SLIT2: variants seen among roughly 807,000 people sequenced by gnomAD.
SLIT2 encodes slit homolog 2 protein.
In SLIT2, 41 loss-of-function variants were observed where a neutral mutation model predicts 185.7. The ratio of observed to expected loss-of-function variants is 0.22; its 90% CI spans 0.17 to 0.29. SLIT2 has a LOEUF of 0.29. SLIT2 is among the 10% of genes least tolerant of loss of function. SLIT2 has a pLI of 1.00. For synonymous variants in SLIT2, 693 were observed against 680.2 expected (o/e 1.02, Z -0.29); for missense variants, 1,571 against 1,909.0 (o/e 0.82, Z 3.30).
At position 20,324,123 on chromosome 4, in the gene SLIT2, G is replaced by T. The variant is rs77375727; in HGVS notation, c.395+55242G>T. Among the ~76,000 whole-genome samples the T allele has an allele frequency of 3.3e-3, 501 of 152,248 alleles. 4 individuals are homozygous for T. Among genetic ancestry groups the T allele is most frequent in the African/African-American group, 0.012 (494 of 41,554 alleles). Reference sequence around the variant, plus strand: ...GAAACAGAGCTTGCTGAAGGGTAAGGCTAGCCAGTCATCACAGCACGAGCA... The same window carrying T: ...GAAACAGAGCTTGCTGAAGGGTAAGTCTAGCCAGTCATCACAGCACGAGCA... On this transcript the variant is annotated intron_variant, in intron 4 of 36. Transcript: ENST00000504154.
At chr4:20,548,651 C>G in intron 23 of SLIT2, 92 bp downstream of exon 23, 1 of 762,816 alleles carries the variant, frequency 1.3e-6, no homozygotes, top group Non-Finnish European at 2.3e-6. Context: ...ACAAGACAGT[C>G]TCTACCCTCA....
chr4:20,515,469 A>G (rs564256386), intron 11 of SLIT2, among the ~76,000 whole-genome samples: 2 of 152,170 alleles, frequency 1.3e-5, no homozygotes, highest in African/African-American at 2.4e-5. Context: ...CAAATTCCAC[A>G]GGGGTCTACA....
At chr4:20,392,959 A>G (rs898702512) in intron 4 of SLIT2, among the ~76,000 whole-genome samples, 3 of 152,240 alleles carry the variant, frequency 2.0e-5, no homozygotes, top group Admixed American at 6.6e-5. Flanking sequence ...TAAATAGTAT[A>G]GTATAGTAAA....
chr4:20,331,303 A>G (rs1353059996), intron 4 of SLIT2, among the ~76,000 whole-genome samples: 2 of 152,142 alleles, frequency 1.3e-5, no homozygotes, highest in Non-Finnish European at 2.9e-5. Context: ...CACATTTCCA[A>G]TACATTTTCC....
In SLIT2 at chr4:20,548,506, A is replaced by G. The variant is rs1206442362; in HGVS notation, c.2364A>G (p.Arg788=). 6.2e-7 allele frequency: 1 copy of G among 1,601,164 alleles called. No individual in the cohort carries two copies. Among genetic ancestry groups the G allele is most frequent in the Non-Finnish European group, 8.6e-7 (1 of 1,168,446 alleles). The change falls in exon 23 of 37, where the codon AGA becomes AGG. Residue 788 remains arginine (R), a synonymous_variant. Transcript: ENST00000504154. ...CTTTTAGAGACTTAAGTAACAACAG[A>G]ATAAGCACGCTTTCTAATCAGAGCT... is the stretch of plus-strand genomic sequence containing the variant. ...HLTLIDLSNN[R]ISTLSNQSFS...
intron 4 of SLIT2, among the ~76,000 whole-genome samples, chr4:20,421,772 A>G (rs1198271905): frequency 6.6e-6 from 1 of 152,180 alleles, no homozygotes; most frequent in Non-Finnish European, 1.5e-5. Context: ...TCTGATGTCA[A>G]GAGGCTCTAA....
At chr4:20,460,505 G>A (rs1006078152) in intron 4 of SLIT2, among the ~76,000 whole-genome samples, 115 of 151,988 alleles carry the variant, frequency 7.6e-4, no homozygotes, top group Non-Finnish European at 2.5e-4. Context: ...CTCTCTTAGC[G>A]TTTGTCAGGA....
intron 4 of SLIT2, among the ~76,000 whole-genome samples, chr4:20,298,685 A>T (rs1716739770): frequency 1.3e-5 from 2 of 152,216 alleles, no homozygotes; most frequent in Admixed American, 1.3e-4. Context: ...AAAATGATTT[A>T]CTAAGCCCAA....
intron 4 of SLIT2, among the ~76,000 whole-genome samples, chr4:20,332,739 A>C (rs550596916): frequency 6.6e-6 from 1 of 152,118 alleles, no homozygotes; most frequent in Non-Finnish European, 1.5e-5. Context: ...TATTTGAATA[A>C]ATTATCCTCA....
At position 20,407,485 on chromosome 4, in the gene SLIT2, T is replaced by C. The variant is rs374673339; in HGVS notation, c.396-60267T>C. ...TTTATCCTTGACTTACCAAATGATATCTTCCCCCTCCCTGGCCCTGCCATC... is the reference window on the plus strand; with the variant it reads ...TTTATCCTTGACTTACCAAATGATACCTTCCCCCTCCCTGGCCCTGCCATC... On this transcript the variant is annotated intron_variant, in intron 4 of 36. Transcript: ENST00000504154. 3.9e-5 allele frequency among the ~76,000 whole-genome samples: 6 copies of C among 152,270 alleles called. No individual in the cohort carries two copies. In the East Asian group the frequency reaches 5.8e-4, roughly 15 times the overall value.
At chr4:20,259,287 G>A (rs1712187830) in intron 3 of SLIT2, among the ~76,000 whole-genome samples, 1 of 151,660 alleles carries the variant, frequency 6.6e-6, no homozygotes, top group African/African-American at 2.4e-5. Flanking sequence ...TATGTGATTA[G>A]CTAATTCCTA....
intron 4 of SLIT2, among the ~76,000 whole-genome samples, chr4:20,423,088 C>CT (rs1180658952): frequency 6.6e-6 from 1 of 152,078 alleles, no homozygotes; most frequent in Non-Finnish European, 1.5e-5. Context: ...CCCCATGTTT[C>CT]TTTCATGCCT....
In SLIT2 at chr4:20,472,573, GAT is replaced by G. The variant is rs1244526631; in HGVS notation, c.467+4755_467+4756del. Among the ~76,000 whole-genome samples, 5 of 14,236 alleles carry G rather than the reference GAT, an allele frequency of 3.5e-4. 2 individuals are homozygous for G. The highest frequency in any genetic ancestry group is 3.1e-3 in the African/African-American group (5 of 1,600). The allele number at this position is 14,236 out of a possible 152,430, so 9.3% of individuals were successfully genotyped here. On this transcript the variant is annotated intron_variant, in intron 5 of 36. Transcript: ENST00000504154. ...ATATATAGATATATATCTATATATA[GAT>G]ATATCTATATATAGATATATATCTA...
intron 4 of SLIT2, among the ~76,000 whole-genome samples, chr4:20,274,541 A>G (rs1713966391): frequency 6.6e-6 from 1 of 152,140 alleles, no homozygotes; most frequent in Admixed American, 6.6e-5. Flanking sequence ...GAAGATTAAG[A>G]TCATATTTGA....
chr4:20,492,016 G>A (rs1717827415), intron 9 of SLIT2, 117 bp downstream of exon 9: 2 of 904,828 alleles, frequency 2.2e-6, no homozygotes, highest in East Asian at 5.1e-5. Context: ...TTAGACAAAT[G>A]TTCTCTTCAG....
At chr4:20,520,582 A>G (rs1007084107) in intron 12 of SLIT2, among the ~76,000 whole-genome samples, 2 of 152,186 alleles carry the variant, frequency 1.3e-5, no homozygotes, top group African/African-American at 2.4e-5. Flanking sequence ...ATCTTCATGT[A>G]TATATATAAA....
intron 4 of SLIT2, among the ~76,000 whole-genome samples, chr4:20,444,335 A>C (rs1711537234): frequency 6.6e-6 from 1 of 152,192 alleles, no homozygotes; most frequent in Admixed American, 6.5e-5. Flanking sequence ...CCTAATGTGT[A>C]AGAATGTCAT....
intron 4 of SLIT2, among the ~76,000 whole-genome samples, chr4:20,405,474 C>A (rs1276042367): frequency 6.6e-6 from 1 of 151,584 alleles, no homozygotes; most frequent in Non-Finnish European, 1.5e-5. Flanking sequence ...ACATTTTTTT[C>A]TTTTCATGAT....
intron 21 of SLIT2, among the ~76,000 whole-genome samples, chr4:20,544,011 C>G (rs1350166050): frequency 6.6e-6 from 1 of 151,916 alleles, no homozygotes; most frequent in African/African-American, 2.4e-5. Flanking sequence ...ACATCACACA[C>G]CGGGGCCTGT....
Sources: gnomAD v4.1 joint callset for allele counts (sites outside exome capture counted in the v4.1 genomes callset) on GRCh38, gnomAD v4.1.1 for gene constraint, MANE v1.5 for transcripts, NCBI Gene and HGNC (gene_info 2026-07-23, HGNC 2026-07-21) for gene names.